Variants in TNS1 observed in about 807,000 individuals in gnomAD.
TNS1 encodes tensin 1, also known as tensin-1.
Under a neutral mutation model 168.6 loss-of-function variants are expected in TNS1, and 62 were observed. The observed-to-expected ratio is 0.37, with a 90% CI of 0.30 to 0.45. TNS1 has a LOEUF of 0.45. Ranked by LOEUF, TNS1 falls within the 20% of genes least tolerant of loss-of-function variation. The pLI, the probability that TNS1 is intolerant of heterozygous loss-of-function variation, is 1.00. For missense variants in TNS1, 2,240 were observed against 2,339.4 expected, an observed-to-expected ratio of 0.96 and a Z score of 0.88; for synonymous variants, 934 against 933.2, an observed-to-expected ratio of 1.00 and a Z score of -0.02.
intron 17 of TNS1, 97 bp downstream of exon 17, chr2:217,882,249 T>G: frequency 1.2e-6 from 1 of 828,770 alleles, no homozygotes; most frequent in Non-Finnish European, 1.9e-6. Flanking sequence ...CAAAAATAAC[T>G]TGATCACTGT....
intron 4 of TNS1, among the ~76,000 whole-genome samples, chr2:217,918,667 C>T (rs1472210005): frequency 6.6e-6 from 1 of 152,204 alleles, no homozygotes; most frequent in Admixed American, 6.5e-5. Context: ...AACCCCCAGC[C>T]TCATAAAGCA....
chr2:217,864,346 G>C (rs1336135797), intron 18 of TNS1, among the ~76,000 whole-genome samples: 2 of 152,216 alleles, frequency 1.3e-5, no homozygotes, highest in Non-Finnish European at 2.9e-5. Flanking sequence ...GTGCCTGCAC[G>C]TTAATGGAAG....
chr2:217,938,246 A>G (rs1480677403), intron 3 of TNS1, among the ~76,000 whole-genome samples: 1 of 152,206 alleles, frequency 6.6e-6, no homozygotes, highest in African/African-American at 2.4e-5. Context: ...GAGCAACCCC[A>G]GCCTCCCTGG....
At chr2:217,925,116 CTAT>C (rs1264958370) in intron 3 of TNS1, among the ~76,000 whole-genome samples, 1 of 152,176 alleles carries the variant, frequency 6.6e-6, no homozygotes, top group African/African-American at 2.4e-5. Context: ...AATATAAGTG[CTAT>C]TATTGCCTAT....
chr2:218,031,076 G>A (rs1374170919), intron 1 of TNS1, among the ~76,000 whole-genome samples: 4 of 146,982 alleles, frequency 2.7e-5, no homozygotes, highest in African/African-American at 1.1e-4. Flanking sequence ...GTATGTGTGT[G>A]TTTGTGAGTG....
At chr2:217,991,658 G>A (rs531912044) in intron 1 of TNS1, among the ~76,000 whole-genome samples, 14 of 152,028 alleles carry the variant, frequency 9.2e-5, no homozygotes, top group East Asian at 7.7e-4. Flanking sequence ...TGTCTCTGCC[G>A]TGCGCCGTCC....
intron 16 of TNS1, among the ~76,000 whole-genome samples, chr2:217,883,892 A>G (rs559508119): frequency 2.6e-4 from 40 of 152,270 alleles, no homozygotes; most frequent in African/African-American, 7.2e-4. Flanking sequence ...GACACAGATC[A>G]CTGCCCACTG....
At chr2:218,001,192 A>G (rs1390683149) in intron 1 of TNS1, among the ~76,000 whole-genome samples, 2 of 151,970 alleles carry the variant, frequency 1.3e-5, no homozygotes, top group Non-Finnish European at 2.9e-5. Flanking sequence ...AAAGACACTC[A>G]AGGAAGCAGC....
intron 18 of TNS1, among the ~76,000 whole-genome samples, chr2:217,872,464 A>T (rs1422273974): frequency 2.6e-5 from 4 of 152,274 alleles, no homozygotes; most frequent in Non-Finnish European, 5.9e-5. Flanking sequence ...GATGTTCAAC[A>T]TCATCAATTC....
chr2:217,814,959 T>C lies in TNS1; in HGVS notation c.4682A>G (p.Gln1561Arg). 5 of 1,613,698 alleles carry C rather than the reference T, an allele frequency of 3.1e-6. No homozygotes were observed. Among genetic ancestry groups the C allele is most frequent in the Non-Finnish European group, 4.2e-6 (5 of 1,179,876 alleles). The change falls in exon 25 of 33, where the codon CAG becomes CGG. Residue 1561 changes from glutamine (Q) to arginine (R), a missense_variant. Physicochemically the swap from Gln to Arg is conservative, Grantham distance 43. Coordinates refer to ENST00000682258, the MANE Select transcript of TNS1 (RefSeq NM_001387777.1). ...CTTGTACCAATACTTAGAAGTGTCCTGGACAAACTTCACTTTAGCCCGCGT... is the reference window on the plus strand; with the variant it reads ...CTTGTACCAATACTTAGAAGTGTCCCGGACAAACTTCACTTTAGCCCGCGT... Reference protein sequence around the residue: ...PETRAKVKFVQDTSKYWYKPE... With the variant: ...PETRAKVKFVRDTSKYWYKPE...
rs115231799 is a variant in TNS1, at chr2:217,937,440, C to T, written c.187-17204G>A. Among the ~76,000 whole-genome samples the T allele has an allele frequency of 5.8e-3, 877 of 152,290 alleles. 11 individuals carry two copies. The highest frequency in any genetic ancestry group is 0.019 in the African/African-American group (807 of 41,550). On this transcript the variant is annotated intron_variant, in intron 3 of 32. Transcript: ENST00000682258. ...CCAAATCATAGCCCGAACCCCAGCTCATGTCCCTGGGTGGAGGCTTCTCCC... is the reference window on the plus strand; with the variant it reads ...CCAAATCATAGCCCGAACCCCAGCTTATGTCCCTGGGTGGAGGCTTCTCCC...
chr2:218,030,997 AGTGT>A (rs537421911), intron 1 of TNS1, among the ~76,000 whole-genome samples: 1 of 149,142 alleles, frequency 6.7e-6, no homozygotes, highest in African/African-American at 2.5e-5. Context: ...TGTATGTATG[AGTGT>A]GAGTGTGGGA....
In TNS1 at chr2:217,799,873, T is replaced by G. The variant is rs978672229; in HGVS notation, c.*4586A>C. On this transcript the variant is annotated 3_prime_UTR_variant, in exon 33 of 33. Transcript: ENST00000682258. ...GCAGCTGTACAGGAGTGGGGACGCG[T>G]CAGTGTACAATACATTCATGTCCAG... 1 of 152,194 alleles carries G rather than the reference T, an allele frequency of 6.6e-6. No homozygotes were observed. 9.4% of individuals were successfully genotyped at this position (152,194 alleles called of 1,614,324 possible). A position where few individuals can be genotyped will look rare whatever the true frequency, so the allele number is the denominator to read the frequency against.
chr2:217,939,805 A>T (rs1033992593), intron 3 of TNS1, among the ~76,000 whole-genome samples: 1 of 152,076 alleles, frequency 6.6e-6, no homozygotes, highest in Non-Finnish European at 1.5e-5. Flanking sequence ...GCTCAGGCCC[A>T]CCCACCACCC....
chr2:217,823,959 A>C (rs536076111), intron 22 of TNS1, among the ~76,000 whole-genome samples: 1 of 152,334 alleles, frequency 6.6e-6, no homozygotes, highest in Admixed American at 6.5e-5. Flanking sequence ...TGTGCCACCC[A>C]AGCACGAGGC....
rs918446142 is a variant in TNS1, at chr2:217,850,721, CA to C, written c.1430-1635del. On this transcript the variant is annotated intron_variant, in intron 18 of 32. Coordinates refer to ENST00000682258, the MANE Select transcript of TNS1 (RefSeq NM_001387777.1). ...TGCACCAGCTCCAGCCAGACACCAG[CA>C]GTCACACACCGAGCCAGACAAAAAG... The C allele has an allele frequency of 1.5e-5, 8 of 529,352 alleles. No individual in the cohort carries two copies. In the African/African-American group the frequency reaches 1.6e-4, roughly 11 times the overall value. The allele number at this position is 529,352 out of a possible 1,614,324, so 32.8% of individuals were successfully genotyped here.
At position 217,900,489 on chromosome 2, in the gene TNS1, A is replaced by T; in HGVS notation, c.345T>A (p.Ser115Arg). The change falls in exon 7 of 33, where the codon AGT becomes AGA. Residue 115 changes from serine to arginine, a missense_variant. This residue lies in a region of TNS1 where 2,131 missense variants were observed against 2,171.2 expected (regional missense o/e 0.98). Transcript: ENST00000682258. ...TGATGGGCTGGAGGTGGGGCTGGAC[A>T]CTCGGGGTGACCCTGGTGGAGCCCT... ...EDNGSTRVTP[S>R]VQPHLQPIRN... The T allele has an allele frequency of 6.5e-7, 1 of 1,535,374 alleles. No individual in the cohort carries two copies. The highest frequency in any genetic ancestry group is 8.7e-7 in the Non-Finnish European group (1 of 1,146,686).
intron 2 of TNS1, among the ~76,000 whole-genome samples, chr2:217,988,077 C>T (rs1016133228): frequency 6.6e-6 from 1 of 152,226 alleles, no homozygotes; most frequent in African/African-American, 2.4e-5. Flanking sequence ...TCCCTTCTCC[C>T]TATCTGGGCC....
In TNS1 at chr2:217,821,912, C is replaced by A. The variant is rs750994181; in HGVS notation, c.3400G>T (p.Ala1134Ser). 9 of 1,588,068 alleles carry A rather than the reference C, an allele frequency of 5.7e-6. No individual in the cohort carries two copies. Among genetic ancestry groups the A allele is most frequent in the Non-Finnish European group, 7.7e-6 (9 of 1,168,008 alleles). The change falls in exon 23 of 33, where the codon GCA (alanine) becomes TCA (serine). Residue 1134 changes from alanine (A) to serine (S), a missense_variant. Coordinates refer to ENST00000682258, the MANE Select transcript of TNS1 (RefSeq NM_001387777.1). ...GEPRSYVESV[A>S]RTAVAGPRAQ... The stretch of plus-strand genomic sequence containing the variant: ...CGGGGTCCAGCCACCGCTGTCCGTG[C>A]CACAGACTCCACATAGCTCCGGGGC...
Sources: gnomAD v4.1 joint callset for allele counts (sites outside exome capture counted in the v4.1 genomes callset) on GRCh38, gnomAD v4.1.1 for gene constraint, gnomAD v4.1.1 regional missense constraint, MANE v1.5 for transcripts, NCBI Gene and HGNC (gene_info 2026-07-23, HGNC 2026-07-21) for gene names.